ZNF148: variants seen among roughly 807,000 people sequenced by gnomAD.
ZNF148 encodes the protein zinc finger protein 148.
In ZNF148, 7 loss-of-function variants were observed where a neutral mutation model predicts 67.7. The ratio of observed to expected loss-of-function variants is 0.10; its 90% confidence interval spans 0.06 to 0.19. ZNF148 has a LOEUF of 0.19. Among genes scored for constraint, ZNF148 ranks in the 10% least tolerant of loss-of-function variants. The probability of loss-of-function intolerance (pLI) is 1.00; values close to 1 mark genes in which losing one functional copy is unlikely to be tolerated. For missense variants in ZNF148, 583 were observed against 947.1 expected (o/e 0.62, Z 5.05); for synonymous variants, 333 against 330.7 (o/e 1.01, Z -0.08).
intron 5 of ZNF148, among the ~76,000 whole-genome samples, chr3:125,280,491 G>A: frequency 6.6e-6 from 1 of 151,922 alleles, no homozygotes; most frequent in East Asian, 1.9e-4. Context: ...AGACCAGCCT[G>A]GGCAAAATGA....
At chr3:125,250,592 C>T (rs1936797304) in intron 7 of ZNF148, among the ~76,000 whole-genome samples, 1 of 152,210 alleles carries the variant, frequency 6.6e-6, no homozygotes, top group Non-Finnish European at 1.5e-5. Context: ...TGCCAAATGG[C>T]ACCCCAGTCA....
intron 7 of ZNF148, among the ~76,000 whole-genome samples, chr3:125,244,027 T>C (rs1936484887): frequency 6.6e-6 from 1 of 152,190 alleles, no homozygotes; most frequent in African/African-American, 2.4e-5. Context: ...AAAAAGCTTA[T>C]CTGAAAAGTA....
chr3:125,355,393 C>T (rs1389808305), intron 1 of ZNF148, among the ~76,000 whole-genome samples: 1 of 152,078 alleles, frequency 6.6e-6, no homozygotes, highest in African/African-American at 2.4e-5. Flanking sequence ...TTTATCTACC[C>T]ACTAGATGCC....
chr3:125,290,627 A>G (rs1266380615), intron 4 of ZNF148, among the ~76,000 whole-genome samples: 2 of 152,168 alleles, frequency 1.3e-5, no homozygotes, highest in Non-Finnish European at 2.9e-5. Context: ...CTGCTCTGTC[A>G]GGCTAAAATA....
rs397690643 is a variant in ZNF148, at chr3:125,273,499, C to CTTT, written c.667+4224_667+4226dup. 4.3e-3 allele frequency among the ~76,000 whole-genome samples: 608 copies of CTTT among 142,338 alleles called. 10 individuals are homozygous for CTTT. Among genetic ancestry groups the CTTT allele is most frequent in the African/African-American group, 8.6e-3 (331 of 38,338 alleles). The allele number at this position is 142,338 out of a possible 152,430, so 93.4% of individuals were successfully genotyped here. ...AATCTCTTTTTTTTGGGAAGAGAAT[C>CTTT]TTTTTTTTTTTTTTGAGACGGAGTC... is the stretch of plus-strand genomic sequence containing the variant. On this transcript the variant is annotated intron_variant, in intron 7 of 8. Coordinates refer to ENST00000360647, the MANE Select transcript of ZNF148 (RefSeq NM_021964.3).
chr3:125,342,286 G>A (rs910607911), intron 1 of ZNF148, among the ~76,000 whole-genome samples: 1 of 151,648 alleles, frequency 6.6e-6, no homozygotes, highest in Admixed American at 6.6e-5. Context: ...AATACAAAGA[G>A]GATAAGCCTA....
chr3:125,327,809 TAATGAA>T (rs1941093885), intron 2 of ZNF148, among the ~76,000 whole-genome samples: 1 of 152,170 alleles, frequency 6.6e-6, no homozygotes, highest in Non-Finnish European at 1.5e-5. Context: ...TATTTTTAAC[TAATGAA>T]AATGAAAACA....
chr3:125,370,327 A>C (rs1050732354), intron 1 of ZNF148, among the ~76,000 whole-genome samples: 2 of 152,170 alleles, frequency 1.3e-5, no homozygotes, highest in Non-Finnish European at 2.9e-5. Flanking sequence ...ACACACACAC[A>C]GTTTTGCCTA....
intron 1 of ZNF148, among the ~76,000 whole-genome samples, chr3:125,340,514 C>T (rs540622636): frequency 3.0e-4 from 46 of 152,258 alleles, no homozygotes; most frequent in African/African-American, 1.0e-3. Context: ...TAATCCTCTC[C>T]CATCTGTAGA....
chr3:125,289,435 T>A (rs1321662723), intron 4 of ZNF148, among the ~76,000 whole-genome samples: 1 of 152,218 alleles, frequency 6.6e-6, no homozygotes, highest in Non-Finnish European at 1.5e-5. Context: ...TAAATGATTA[T>A]TTATTTAGCT....
intron 3 of ZNF148, among the ~76,000 whole-genome samples, chr3:125,317,679 A>AGAGAGAGAGAGAGAGAG (rs61407940): frequency 1.7e-4 from 20 of 114,786 alleles, no homozygotes; most frequent in South Asian, 2.7e-4. Flanking sequence ...AGAGAGAGAG[A>AGAGAGAGAGAGAGAGAG]AATACATATA....
chr3:125,284,212 T>C (rs1455680372), intron 5 of ZNF148, among the ~76,000 whole-genome samples: 1 of 152,168 alleles, frequency 6.6e-6, no homozygotes, highest in Non-Finnish European at 1.5e-5. Context: ...CCAACAATCC[T>C]CCTAAAACCC....
intron 5 of ZNF148, among the ~76,000 whole-genome samples, chr3:125,284,004 T>A (rs1321221270): frequency 6.6e-6 from 1 of 152,086 alleles, no homozygotes; most frequent in Non-Finnish European, 1.5e-5. Context: ...TCCTGGCACA[T>A]AACAGGCACT....
intron 3 of ZNF148, among the ~76,000 whole-genome samples, chr3:125,320,279 A>G (rs1940711355): frequency 6.6e-6 from 1 of 152,214 alleles, no homozygotes; most frequent in South Asian, 2.1e-4. Flanking sequence ...AAAACCAGTC[A>G]GTCCTAATGA....
intron 1 of ZNF148, among the ~76,000 whole-genome samples, chr3:125,354,787 T>G (rs1942282047): frequency 6.6e-6 from 1 of 152,224 alleles, no homozygotes; most frequent in Non-Finnish European, 1.5e-5. Context: ...AGACATTTTC[T>G]TAAAAAGCAG....
chr3:125,345,219 T>C (rs1374168960), intron 1 of ZNF148, among the ~76,000 whole-genome samples: 1 of 151,910 alleles, frequency 6.6e-6, no homozygotes. Flanking sequence ...AACCAGTAAC[T>C]AGAAATCAGT....
intron 7 of ZNF148, among the ~76,000 whole-genome samples, chr3:125,246,691 A>G (rs192849810): frequency 2.6e-5 from 4 of 152,328 alleles, no homozygotes; most frequent in African/African-American, 9.6e-5. Flanking sequence ...ATACGTACAT[A>G]CTGATTATAA....
intron 3 of ZNF148, among the ~76,000 whole-genome samples, chr3:125,317,387 C>T (rs1940551646): frequency 6.6e-6 from 1 of 152,014 alleles, no homozygotes; most frequent in South Asian, 2.1e-4. Flanking sequence ...ATACAGTATA[C>T]AACCTTATGG....
chr3:125,242,500 A>AAGGGATT (rs1936411569), intron 7 of ZNF148, among the ~76,000 whole-genome samples: 1 of 152,156 alleles, frequency 6.6e-6, no homozygotes, highest in Non-Finnish European at 1.5e-5. Context: ...GCACACGCCT[A>AAGGGATT]ATCCCAGCTA....
Sources: gnomAD v4.1 joint callset for allele counts (sites outside exome capture counted in the v4.1 genomes callset) on GRCh38, gnomAD v4.1.1 for gene constraint, MANE v1.5 for transcripts, NCBI Gene and HGNC (gene_info 2026-07-23, HGNC 2026-07-21) for gene names.